The following PACRG variants were observed in gnomAD, a reference collection of about 807,000 sequenced individuals.
PACRG encodes parkin coregulated gene protein.
In PACRG, 29 loss-of-function variants were observed where a neutral mutation model predicts 29.7. The observed-to-expected ratio is 0.98, with a 90% confidence interval of 0.73 to 1.33. PACRG has a LOEUF of 1.33. Among genes scored for constraint, PACRG ranks in the 40% most tolerant of loss-of-function variants. The pLI, the probability that PACRG is intolerant of heterozygous loss-of-function variation, is 0.00. For synonymous variants in PACRG, 116 were observed against 118.7 expected (o/e 0.98, Z 0.15); for missense variants, 279 against 316.2 (o/e 0.88, Z 0.89).
intron 1 of PACRG, among the ~76,000 whole-genome samples, chr6:162,802,090 C>A (rs1255609644): frequency 6.6e-6 from 1 of 151,982 alleles, no homozygotes; most frequent in African/African-American, 2.4e-5. Flanking sequence ...TTGCAGAATT[C>A]TATATATTTT....
chr6:163,076,543 C>T (rs1562891597), intron 3 of PACRG, among the ~76,000 whole-genome samples: 4 of 152,188 alleles, frequency 2.6e-5, no homozygotes, highest in South Asian at 2.1e-4. Flanking sequence ...TCTCCAAAGT[C>T]GGCCTACTTT....
intron 2 of PACRG, among the ~76,000 whole-genome samples, chr6:162,995,439 C>T (rs896803564): frequency 1.6e-4 from 25 of 152,280 alleles, no homozygotes; most frequent in Middle Eastern, 3.4e-3. Flanking sequence ...GATATAGTCT[C>T]GTGGTGCGCC....
intron 4 of PACRG, 80 bp downstream of exon 4, chr6:163,089,488 G>T: frequency 6.7e-7 from 1 of 1,502,240 alleles, no homozygotes; most frequent in East Asian, 2.3e-5. Flanking sequence ...TTAGCAACAC[G>T]TTTAGGATTT....
intron 2 of PACRG, among the ~76,000 whole-genome samples, chr6:162,892,790 G>C (rs1224982537): frequency 6.6e-6 from 1 of 152,200 alleles, no homozygotes; most frequent in East Asian, 1.9e-4. Context: ...TCGGGAGTGA[G>C]CAGGGGCATG....
chr6:162,753,835 C>T (rs1242759223), intron 1 of PACRG, among the ~76,000 whole-genome samples: 1 of 152,160 alleles, frequency 6.6e-6, no homozygotes, highest in Non-Finnish European at 1.5e-5. Context: ...CCCAGCCATG[C>T]AGGAGTGTGA....
chr6:163,304,705 G>A (rs1785130972), intron 4 of PACRG, among the ~76,000 whole-genome samples: 1 of 152,274 alleles, frequency 6.6e-6, no homozygotes, highest in East Asian at 1.9e-4. Flanking sequence ...TATTCCCATG[G>A]GGAATTTAGG....
At chr6:163,313,548 A>C (rs1038235461) in intron 4 of PACRG, among the ~76,000 whole-genome samples, 10 of 152,240 alleles carry the variant, frequency 6.6e-5, no homozygotes, top group African/African-American at 2.4e-4. Context: ...TGACTAATTA[A>C]GGATAAAAGG....
At chr6:163,050,335 T>G (rs1214291835) in intron 2 of PACRG, among the ~76,000 whole-genome samples, 1 of 152,150 alleles carries the variant, frequency 6.6e-6, no homozygotes, top group Non-Finnish European at 1.5e-5. Context: ...CCTCATCTCT[T>G]TCAAGGCAGA....
intron 4 of PACRG, chr6:163,165,294 G>A (rs1778746643): frequency 1.3e-5 from 2 of 152,556 alleles, no homozygotes; most frequent in Admixed American, 6.5e-5. Context: ...TGCCTGCGCA[G>A]GAAACGGTAA....
At chr6:163,268,859 C>T (rs1222421995) in intron 4 of PACRG, among the ~76,000 whole-genome samples, 7 of 152,176 alleles carry the variant, frequency 4.6e-5, no homozygotes, top group African/African-American at 1.2e-4. Context: ...CCATGGACCC[C>T]GTGTGCTGCT....
intron 2 of PACRG, among the ~76,000 whole-genome samples, chr6:162,956,158 C>T (rs542298876): frequency 2.0e-5 from 3 of 152,060 alleles, no homozygotes; most frequent in East Asian, 1.9e-4. Flanking sequence ...GTTAAATAGT[C>T]GGGAATATTT....
intron 2 of PACRG, among the ~76,000 whole-genome samples, chr6:162,882,566 G>C (rs983784411): frequency 1.3e-5 from 2 of 152,114 alleles, no homozygotes; most frequent in Non-Finnish European, 2.9e-5. Context: ...GTAGACCTCA[G>C]GGGCTCTTTA....
chr6:162,877,625 T>TA (rs920863941), intron 2 of PACRG, among the ~76,000 whole-genome samples: 9 of 150,516 alleles, frequency 6.0e-5, no homozygotes, highest in Non-Finnish European at 1.0e-4. Flanking sequence ...TTTTCCAAAA[T>TA]AAAAAAATGT....
chr6:163,222,318 T>C (rs1781618304), intron 4 of PACRG, among the ~76,000 whole-genome samples: 1 of 152,074 alleles, frequency 6.6e-6, no homozygotes, highest in African/African-American at 2.4e-5. Flanking sequence ...AGATGGGAGC[T>C]TGCATCCAAA....
At position 163,089,367 on chromosome 6, in the gene PACRG, G is replaced by A. The variant is rs376427225; in HGVS notation, c.572G>A (p.Arg191His). ...MVGKALVPYY[R>H]QILPVLNIFK... Reference sequence around the variant, plus strand: ...GGCAAGGCCTTGGTGCCTTATTACCGTCAAATCCTCCCTGTCCTGAACATC... The same window carrying A: ...GGCAAGGCCTTGGTGCCTTATTACCATCAAATCCTCCCTGTCCTGAACATC... The change falls in exon 4 of 5, where the codon CGT (arginine) becomes CAT (histidine). Residue 191 changes from arginine (R) to histidine (H), a missense_variant. Physicochemically the swap from Arg to His is conservative, Grantham distance 29. Transcript: ENST00000366888. The A allele has an allele frequency of 2.8e-5, 45 of 1,613,988 alleles. No homozygotes were observed. Among genetic ancestry groups the A allele is most frequent in the East Asian group, 2.7e-4 (12 of 44,878 alleles).
At chr6:162,862,470 G>T (rs1206533096) in intron 2 of PACRG, among the ~76,000 whole-genome samples, 1 of 152,212 alleles carries the variant, frequency 6.6e-6, no homozygotes, top group Non-Finnish European at 1.5e-5. Flanking sequence ...TTAGGAAGAA[G>T]CAATTGATGC....
At chr6:162,939,048 T>C (rs1798433900) in intron 2 of PACRG, among the ~76,000 whole-genome samples, 1 of 152,160 alleles carries the variant, frequency 6.6e-6, no homozygotes, top group South Asian at 2.1e-4. Context: ...AGCATGGTAC[T>C]GGTATAAAAA....
At chr6:162,838,339 C>T (rs1031416531) in intron 2 of PACRG, among the ~76,000 whole-genome samples, 2 of 152,108 alleles carry the variant, frequency 1.3e-5, no homozygotes, top group Non-Finnish European at 2.9e-5. Context: ...TCTCCTGTAT[C>T]CTTTTCCCAT....
chr6:163,017,753 T>C (rs546699567), intron 2 of PACRG, among the ~76,000 whole-genome samples: 2 of 152,320 alleles, frequency 1.3e-5, no homozygotes, highest in East Asian at 3.9e-4. Context: ...CAATATGTAA[T>C]TTAGAGAGTT....
Sources: allele counts gnomAD v4.1 joint callset (sites outside exome capture counted in the v4.1 genomes callset), GRCh38; gene constraint gnomAD v4.1.1; transcripts MANE v1.5; gene names NCBI Gene and HGNC (gene_info 2026-07-23, HGNC 2026-07-21).